Variants in FBN2 observed in about 807,000 individuals in gnomAD.
FBN2 encodes the protein fibrillin 2, also known as fibrillin-2.
FBN2 carries 105 observed loss-of-function variants against 355.6 expected under a neutral mutation model. The observed-to-expected ratio is 0.30, with a 90% CI of 0.25 to 0.35. The LOEUF (loss-of-function observed/expected upper bound fraction) is 0.35. FBN2 is among the 10% of genes least tolerant of loss of function. The pLI is 1.00. For missense variants in FBN2, 3,280 were observed against 3,758.7 expected, an observed-to-expected ratio of 0.87 and a Z score of 3.33; for synonymous variants, 1,350 against 1,301.2, an observed-to-expected ratio of 1.04 and a Z score of -0.81.
chr5:128,295,089 G>A (rs1475299863), intron 48 of FBN2, among the ~76,000 whole-genome samples: 1 of 149,964 alleles, frequency 6.7e-6, no homozygotes, highest in African/African-American at 2.5e-5. Context: ...TTATTAAATA[G>A]GGAATCCTTT....
At chr5:128,295,217 C>T (rs1561753859) in intron 48 of FBN2, among the ~76,000 whole-genome samples, 1 of 150,096 alleles carries the variant, frequency 6.7e-6, no homozygotes, top group Non-Finnish European at 1.5e-5. Flanking sequence ...GTACCAGTAC[C>T]ATGCTGTTTT....
chr5:128,416,027 T>TTTTA (rs1374416478), intron 7 of FBN2, among the ~76,000 whole-genome samples: 1 of 136,418 alleles, frequency 7.3e-6, no homozygotes, highest in Non-Finnish European at 1.6e-5. Context: ...TAGTTTGCAC[T>TTTTA]TTTTTTTTTT....
chr5:128,530,409 A>C (rs992375861), intron 3 of FBN2, among the ~76,000 whole-genome samples, 186 bp downstream of exon 3: 3 of 152,228 alleles, frequency 2.0e-5, no homozygotes, highest in African/African-American at 7.2e-5. Context: ...TGGGCCAGTT[A>C]ATTAAATTAT....
intron 5 of FBN2, among the ~76,000 whole-genome samples, chr5:128,514,615 TA>T: frequency 6.6e-6 from 1 of 152,306 alleles, no homozygotes; most frequent in Middle Eastern, 3.4e-3. Flanking sequence ...CACTCTTGTA[TA>T]TTCTAATTTG....
At chr5:128,311,802 T>C in intron 38 of FBN2, 83 bp downstream of exon 38, 1 of 986,878 alleles carries the variant, frequency 1.0e-6, no homozygotes, top group Admixed American at 1.8e-5. Context: ...TCGGGGCTGC[T>C]CTGCCCTAGG....
At chr5:128,506,560 C>A (rs543248438) in intron 5 of FBN2, among the ~76,000 whole-genome samples, 11 of 152,136 alleles carry the variant, frequency 7.2e-5, no homozygotes, top group African/African-American at 2.6e-4. Context: ...TTGTAAAGTC[C>A]ATCGGATTTT....
chr5:128,342,452 T>C (rs1413611179), intron 25 of FBN2, among the ~76,000 whole-genome samples: 1 of 151,946 alleles, frequency 6.6e-6, no homozygotes, highest in African/African-American at 2.4e-5. Flanking sequence ...ACAGGACAAA[T>C]GGCTGGTTGA....
intron 62 of FBN2, among the ~76,000 whole-genome samples, chr5:128,270,364 C>A (rs1464017903): frequency 5.9e-5 from 9 of 151,872 alleles, no homozygotes; most frequent in Admixed American, 2.6e-4. Context: ...CCCGTTTCTA[C>A]TAAAAATACA....
Position 128,408,740 on chromosome 5 carries a change from C to G in FBN2, c.1012G>C (p.Val338Leu). 1 of 1,613,938 alleles carries G rather than the reference C, an allele frequency of 6.2e-7. No individual in the cohort carries two copies. The highest frequency in any genetic ancestry group is 1.1e-5 in the South Asian group (1 of 91,080). ...GGACAAACACAAAAATAGCTTCCCACGGTGTTGGAACATTCACCAGTTTCA... is the reference window on the plus strand; with the variant it reads ...GGACAAACACAAAAATAGCTTCCCAGGGTGTTGGAACATTCACCAGTTTCA... Reference protein sequence around the residue: ...ICETGECSNTVGSYFCVCPRG... With the variant: ...ICETGECSNTLGSYFCVCPRG... The change falls in exon 8 of 65, where the codon GTG (valine) becomes CTG (leucine). Residue 338 changes from valine (V) to leucine (L), a missense_variant. This residue lies in a region of FBN2 where 343 missense variants were observed against 331.0 expected (regional missense o/e 1.04). Coordinates refer to ENST00000262464, the MANE Select transcript of FBN2 (RefSeq NM_001999.4).
chr5:128,361,942 C>T, intron 18 of FBN2, 94 bp from the exon 19 acceptor site: 1 of 1,233,552 alleles, frequency 8.1e-7, no homozygotes, highest in Admixed American at 1.7e-5. Flanking sequence ...TTTTATTTCC[C>T]TCTTTCTTCT....
chr5:128,413,887 G>A (rs932574648), intron 7 of FBN2, among the ~76,000 whole-genome samples: 1 of 152,102 alleles, frequency 6.6e-6, no homozygotes, highest in Non-Finnish European at 1.5e-5. Flanking sequence ...AAAAAAGTAA[G>A]CATATTTTTG....
At position 128,341,315 on chromosome 5, in the gene FBN2, C is replaced by T. The variant is rs1163306647; in HGVS notation, c.3344-2254G>A. Among the ~76,000 whole-genome samples the T allele has an allele frequency of 2.6e-5, 4 of 152,312 alleles. No individual in the cohort carries two copies. In the South Asian group the frequency reaches 8.3e-4, roughly 32 times the overall value. On this transcript the variant is annotated intron_variant, in intron 25 of 64. Coordinates refer to ENST00000262464, the MANE Select transcript of FBN2 (RefSeq NM_001999.4). ...GTGGAAGTTGTTCAGTGGGAAGTTACACAATCCAGCCCTGCTTGGATGGTT... is the reference window on the plus strand; with the variant it reads ...GTGGAAGTTGTTCAGTGGGAAGTTATACAATCCAGCCCTGCTTGGATGGTT...
intron 7 of FBN2, among the ~76,000 whole-genome samples, chr5:128,431,235 T>C (rs1318723009): frequency 6.6e-6 from 1 of 152,262 alleles, no homozygotes; most frequent in Non-Finnish European, 1.5e-5. Context: ...TGGAACTTTC[T>C]GGCAAAAATA....
At chr5:128,512,137 T>G (rs762602054) in intron 5 of FBN2, among the ~76,000 whole-genome samples, 9 of 152,120 alleles carry the variant, frequency 5.9e-5, no homozygotes, top group Non-Finnish European at 1.0e-4. Context: ...GGTAAAATAG[T>G]GAAACTTACG....
intron 56 of FBN2, among the ~76,000 whole-genome samples, chr5:128,279,060 A>G (rs907820989): frequency 6.6e-6 from 1 of 152,230 alleles, no homozygotes; most frequent in Non-Finnish European, 1.5e-5. Context: ...ACTATACTTT[A>G]GAAATAGATA....
Position 128,537,873 on chromosome 5 carries a change from T to G in FBN2, c.-270A>C. 1 of 556,192 alleles carries G rather than the reference T, an allele frequency of 1.8e-6. No individual in the cohort carries two copies. The allele number at this position is 556,192 out of a possible 1,614,324, so 34.5% of individuals were successfully genotyped here. ...GCCGGCAGCCCCGAGCGGTACACGT[T>G]GCATAACCGGCCTAAAGCCCCGAGC... is the stretch of plus-strand genomic sequence containing the variant. On this transcript the variant is annotated 5_prime_UTR_variant, in exon 1 of 65. Transcript: ENST00000262464.
intron 4 of FBN2, 133 bp from the exon 5 acceptor site, chr5:128,519,501 T>A: frequency 1.4e-6 from 1 of 724,284 alleles, no homozygotes; most frequent in East Asian, 2.7e-5. Context: ...GCAACTTGTA[T>A]AAATTACACA....
chr5:128,384,896 T>C (rs544189323), intron 11 of FBN2, among the ~76,000 whole-genome samples: 1 of 152,060 alleles, frequency 6.6e-6, no homozygotes, highest in Non-Finnish European at 1.5e-5. Flanking sequence ...CTTTAAGACT[T>C]TGAACTAAGC....
intron 5 of FBN2, among the ~76,000 whole-genome samples, chr5:128,466,733 C>A (rs1284326604): frequency 6.6e-6 from 1 of 152,140 alleles, no homozygotes; most frequent in Non-Finnish European, 1.5e-5. Context: ...TCATTTTAAT[C>A]CCTTGCATAA....
Sources: allele counts gnomAD v4.1 joint callset (sites outside exome capture counted in the v4.1 genomes callset), GRCh38; gene constraint gnomAD v4.1.1; regional missense constraint gnomAD v4.1.1; transcripts MANE v1.5; gene names NCBI Gene and HGNC (gene_info 2026-07-23, HGNC 2026-07-21).